Variants in ADAM23 observed in about 807,000 individuals in gnomAD.
ADAM23 encodes the protein ADAM metallopeptidase domain 23.
In ADAM23, 33 loss-of-function variants were observed where a neutral mutation model predicts 120.1. The ratio of observed to expected loss-of-function variants is 0.27; its 90% CI spans 0.21 to 0.37. The LOEUF is 0.37. ADAM23 is among the 10% of genes least tolerant of loss of function. The pLI is 1.00. For synonymous variants in ADAM23, 367 were observed against 375.2 expected (o/e 0.98, Z 0.25); for missense variants, 862 against 1,058.2 (o/e 0.81, Z 2.57).
intron 24 of ADAM23, among the ~76,000 whole-genome samples, chr2:206,599,997 C>G (rs926931059): frequency 1.3e-5 from 2 of 152,084 alleles, no homozygotes; most frequent in Non-Finnish European, 2.9e-5. Context: ...GTCAGGAGAT[C>G]GAGACCATCC....
intron 1 of ADAM23, among the ~76,000 whole-genome samples, chr2:206,444,435 G>GT (rs1445861168): frequency 7.9e-5 from 12 of 152,194 alleles, no homozygotes; most frequent in African/African-American, 2.9e-4. Context: ...GAACCTTAAT[G>GT]TGAATGCGGG....
In ADAM23 at chr2:206,589,405, A is replaced by G; in HGVS notation, c.1853-4A>G. ...AATTTTCTTCTCTTGCCTATCTCCA[A>G]AAGAGGCTGCAGGGTCTGACAAGTT... is the stretch of plus-strand genomic sequence containing the variant. On this transcript the variant is annotated splice_polypyrimidine_tract_variant and splice_region_variant and intron_variant, in intron 20 of 25. Coordinates refer to ENST00000264377, the MANE Select transcript of ADAM23 (RefSeq NM_003812.4). The G allele has an allele frequency of 6.2e-7, 1 of 1,612,348 alleles. No homozygotes were observed. The highest frequency in any genetic ancestry group is 8.5e-7 in the Non-Finnish European group (1 of 1,179,260).
At chr2:206,477,892 AAAAAAATATATAT>A (rs1169194326) in intron 2 of ADAM23, among the ~76,000 whole-genome samples, 15 of 119,686 alleles carry the variant, frequency 1.3e-4, no homozygotes, top group African/African-American at 5.0e-4. Context: ...AAAAAAAAAA[AAAAAAATATATAT>A]ATATATATAT....
intron 2 of ADAM23, among the ~76,000 whole-genome samples, chr2:206,476,944 T>C (rs1450239243): frequency 6.6e-6 from 1 of 152,188 alleles, no homozygotes; most frequent in East Asian, 1.9e-4. Flanking sequence ...CTATTATGTG[T>C]GAAACATAGT....
At chr2:206,454,680 A>C (rs1335441860) in intron 2 of ADAM23, among the ~76,000 whole-genome samples, 2 of 152,244 alleles carry the variant, frequency 1.3e-5, no homozygotes, top group East Asian at 3.8e-4. Context: ...CAGTGAGGGT[A>C]GAGGCAGTGG....
intron 2 of ADAM23, among the ~76,000 whole-genome samples, chr2:206,459,792 A>T (rs993227171): frequency 1.3e-5 from 2 of 152,160 alleles, no homozygotes; most frequent in Admixed American, 1.3e-4. Flanking sequence ...ATCACCTTCC[A>T]GTTGCTTAGG....
intron 18 of ADAM23, among the ~76,000 whole-genome samples, chr2:206,574,988 G>A (rs1437466406): frequency 6.6e-6 from 1 of 152,120 alleles, no homozygotes; most frequent in African/African-American, 2.4e-5. Context: ...ATTCTGCTGG[G>A]TATAGAAAGG....
intron 2 of ADAM23, among the ~76,000 whole-genome samples, chr2:206,476,040 T>G (rs915515727): frequency 5.9e-5 from 9 of 152,206 alleles, no homozygotes; most frequent in African/African-American, 2.2e-4. Flanking sequence ...TATGTTAGAA[T>G]AAACAGAGAA....
intron 1 of ADAM23, 82 bp downstream of exon 1, chr2:206,444,162 C>A: frequency 1.8e-6 from 2 of 1,116,014 alleles, no homozygotes; most frequent in Non-Finnish European, 2.3e-6. Context: ...GGTCCGTGTG[C>A]TCCGGGCTTG....
At chr2:206,484,571 T>G (rs1479098997) in intron 3 of ADAM23, among the ~76,000 whole-genome samples, 1 of 152,186 alleles carries the variant, frequency 6.6e-6, no homozygotes, top group African/African-American at 2.4e-5. Context: ...CTTTGAATAC[T>G]CATGAATAAC....
intron 2 of ADAM23, among the ~76,000 whole-genome samples, chr2:206,473,343 G>T: frequency 6.6e-6 from 1 of 152,076 alleles, no homozygotes; most frequent in East Asian, 1.9e-4. Flanking sequence ...GCTCTCTCCA[G>T]CCCCCAGCAG....
chr2:206,478,970 G>A (rs1695839810), intron 2 of ADAM23, among the ~76,000 whole-genome samples: 1 of 152,282 alleles, frequency 6.6e-6, no homozygotes, highest in African/African-American at 2.4e-5. Flanking sequence ...GACAAGCTGA[G>A]GCTGACAGTT....
chr2:206,546,591 C>G lies in ADAM23; in HGVS notation c.721-838C>G, dbSNP rs10199025. On this transcript the variant is annotated intron_variant, in intron 6 of 25. Coordinates refer to ENST00000264377, the MANE Select transcript of ADAM23 (RefSeq NM_003812.4). Reference sequence around the variant, plus strand: ...AGTAATTTTCCATTATCCTGTCCCCCAAAGATAACTTCTTGTCATGTTTCA... The same window carrying G: ...AGTAATTTTCCATTATCCTGTCCCCGAAAGATAACTTCTTGTCATGTTTCA... 9.4e-3 allele frequency among the ~76,000 whole-genome samples: 1,424 copies of G among 152,114 alleles called. 24 individuals carry two copies. The highest frequency in any genetic ancestry group is 0.033 in the African/African-American group (1,366 of 41,516).
At chr2:206,457,412 T>A (rs1310908756) in intron 2 of ADAM23, among the ~76,000 whole-genome samples, 1 of 152,102 alleles carries the variant, frequency 6.6e-6, no homozygotes, top group Non-Finnish European at 1.5e-5. Flanking sequence ...CAGTCTCTTG[T>A]TTCTTTTTTC....
chr2:206,453,995 G>A (rs535117103), intron 2 of ADAM23, among the ~76,000 whole-genome samples: 1 of 152,328 alleles, frequency 6.6e-6, no homozygotes, highest in East Asian at 1.9e-4. Context: ...ATTTGGAAAT[G>A]AAAAGGATGG....
intron 3 of ADAM23, among the ~76,000 whole-genome samples, chr2:206,529,897 C>T (rs562620091): frequency 2.6e-5 from 4 of 152,030 alleles, no homozygotes; most frequent in East Asian, 1.9e-4. Flanking sequence ...CTGCAACCTC[C>T]GCCTCCTGAG....
In ADAM23 at chr2:206,515,996, C is replaced by A. The variant is rs189482340; in HGVS notation, c.510-14889C>A. 1.1e-3 allele frequency among the ~76,000 whole-genome samples: 163 copies of A among 151,966 alleles called. No homozygotes were observed. In the Middle Eastern group the frequency reaches 0.017, roughly 16 times the overall value. Reference sequence around the variant, plus strand: ...GTAAACATTTTGGGTTTCTTTTCCTCTAATTTATGAAAATTATGAAATGTA... The same window carrying A: ...GTAAACATTTTGGGTTTCTTTTCCTATAATTTATGAAAATTATGAAATGTA... On this transcript the variant is annotated intron_variant, in intron 3 of 25. Transcript: ENST00000264377.
intron 3 of ADAM23, among the ~76,000 whole-genome samples, chr2:206,520,481 T>G (rs1411374318): frequency 6.6e-6 from 1 of 152,222 alleles, no homozygotes; most frequent in African/African-American, 2.4e-5. Flanking sequence ...ATGGCAACAT[T>G]TAGTTAAAAA....
At chr2:206,573,088 C>T in intron 17 of ADAM23, 27 bp from the exon 18 acceptor site, 1 of 1,607,010 alleles carries the variant, frequency 6.2e-7, no homozygotes, top group Non-Finnish European at 8.5e-7. Context: ...GTAATGCTAA[C>T]TCTTAATATT....
Sources: gnomAD v4.1 joint callset for allele counts (sites outside exome capture counted in the v4.1 genomes callset) on GRCh38, gnomAD v4.1.1 for gene constraint, MANE v1.5 for transcripts, NCBI Gene and HGNC (gene_info 2026-07-23, HGNC 2026-07-21) for gene names.